Variants in HHAT observed in about 807,000 individuals in gnomAD.
HHAT encodes the protein protein-cysteine N-palmitoyltransferase HHAT.
In HHAT, 47 loss-of-function variants were observed where a neutral mutation model predicts 70.8. That is an observed-to-expected ratio of 0.66 (90% CI 0.53 to 0.85). The LOEUF (loss-of-function observed/expected upper bound fraction) is 0.85, where lower values mean the gene tolerates loss of function less well. HHAT is among the 40% of genes least tolerant of loss of function. The pLI is 0.00. For synonymous variants in HHAT, 228 were observed against 247.6 expected (o/e 0.92, Z 0.74); for missense variants, 609 against 604.8 (o/e 1.01, Z -0.07).
chr1:210,455,730 C>T (rs1049444494), intron 7 of HHAT, among the ~76,000 whole-genome samples: 2 of 152,098 alleles, frequency 1.3e-5, no homozygotes, highest in Admixed American at 1.3e-4. Flanking sequence ...GTTTCTCCAT[C>T]CTTAGTTTAA....
At chr1:210,405,010 T>C (rs1051936094) in intron 6 of HHAT, among the ~76,000 whole-genome samples, 5 of 151,968 alleles carry the variant, frequency 3.3e-5, no homozygotes, top group African/African-American at 1.2e-4. Flanking sequence ...AAGAAAAAAA[T>C]TTGATTATGA....
At chr1:210,583,009 T>C (rs1307316502) in intron 9 of HHAT, among the ~76,000 whole-genome samples, 1 of 152,200 alleles carries the variant, frequency 6.6e-6, no homozygotes, top group Non-Finnish European at 1.5e-5. Flanking sequence ...ACGAGAAATA[T>C]ATCAGTGAAA....
At position 210,496,052 on chromosome 1, in the gene HHAT, A is replaced by G. The variant is rs1460325731; in HGVS notation, c.1008-17101A>G. Among the ~76,000 whole-genome samples, 6 of 149,864 alleles carry G rather than the reference A, an allele frequency of 4.0e-5. No individual in the cohort carries two copies. In the East Asian group the frequency reaches 1.2e-3, roughly 29 times the overall value. ...AAAAGAAAAAGAAAATGGAGTAGAA[A>G]ATATCAGTATTCATGGGTTAGAAAG... On this transcript the variant is annotated intron_variant, in intron 8 of 11. Transcript: ENST00000261458.
intron 7 of HHAT, among the ~76,000 whole-genome samples, chr1:210,450,612 T>TTG (rs2093733687): frequency 6.6e-6 from 1 of 151,378 alleles, no homozygotes; most frequent in Non-Finnish European, 1.5e-5. Flanking sequence ...TAAATCTTTT[T>TTG]TTTTTTTTTT....
At position 210,675,233 on chromosome 1, in the gene HHAT, C is replaced by T. The variant is rs1363338638; in HGVS notation, c.*854C>T. ...ACAAGTCTCAAAAGTCATCCTCCTA[C>T]TCAGTGATTCACGTTTAGTGGTTTA... is the stretch of plus-strand genomic sequence containing the variant. On this transcript the variant is annotated 3_prime_UTR_variant, in exon 12 of 12. Transcript: ENST00000261458. The T allele has an allele frequency of 6.6e-6, 1 of 152,208 alleles. No homozygotes were observed. Among genetic ancestry groups the T allele is most frequent in the Non-Finnish European group, 1.5e-5 (1 of 68,028 alleles). 9.4% of individuals were successfully genotyped at this position (152,208 alleles called of 1,614,324 possible). A position where few individuals can be genotyped will look rare whatever the true frequency, so the allele number is the denominator to read the frequency against.
At chr1:210,582,577 T>A (rs544801804) in intron 9 of HHAT, among the ~76,000 whole-genome samples, 2 of 152,206 alleles carry the variant, frequency 1.3e-5, no homozygotes, top group South Asian at 4.1e-4. Flanking sequence ...CCACATGGAT[T>A]GTTACCACCC....
At chr1:210,437,880 C>G (rs1169877766) in intron 7 of HHAT, among the ~76,000 whole-genome samples, 1 of 151,936 alleles carries the variant, frequency 6.6e-6, no homozygotes, top group African/African-American at 2.4e-5. Context: ...TTCTTACAGA[C>G]AAATTGGCCA....
intron 7 of HHAT, among the ~76,000 whole-genome samples, chr1:210,419,179 A>G (rs1416652003): frequency 6.6e-6 from 1 of 152,128 alleles, no homozygotes; most frequent in African/African-American, 2.4e-5. Flanking sequence ...TTGTGGAATA[A>G]TAGGAGGATA....
chr1:210,562,888 G>T (rs868774124), intron 9 of HHAT, among the ~76,000 whole-genome samples: 22 of 141,132 alleles, frequency 1.6e-4, no homozygotes, highest in Middle Eastern at 4.3e-3. Context: ...TCCCACCTAT[G>T]AGTGAGAACA....
chr1:210,531,267 GCATGACTGTA>G (rs112926021), intron 9 of HHAT, among the ~76,000 whole-genome samples: 8,120 of 152,264 alleles, frequency 0.053, 466 homozygotes, highest in East Asian at 0.24. Context: ...ATTATGTAAT[GCATGACTGTA>G]CATATGAACT....
intron 8 of HHAT, among the ~76,000 whole-genome samples, chr1:210,498,833 G>A (rs529249419): frequency 1.1e-4 from 17 of 147,978 alleles, no homozygotes; most frequent in African/African-American, 2.8e-4. Context: ...TCAGTGGTGC[G>A]ATCTCAGCTC....
intron 9 of HHAT, among the ~76,000 whole-genome samples, chr1:210,544,929 A>G (rs751992727): frequency 3.3e-5 from 5 of 152,224 alleles, no homozygotes; most frequent in Non-Finnish European, 7.4e-5. Context: ...TTGATTCTAC[A>G]TACCTATGTC....
chr1:210,530,285 C>T (rs573651970), intron 9 of HHAT, among the ~76,000 whole-genome samples: 45 of 152,072 alleles, frequency 3.0e-4, no homozygotes, highest in Non-Finnish European at 5.0e-4. Context: ...ATGTTGAATT[C>T]CTAGGAAATA....
At chr1:210,484,496 T>G (rs945107497) in intron 8 of HHAT, among the ~76,000 whole-genome samples, 1 of 21,288 alleles carries the variant, frequency 4.7e-5, no homozygotes. Context: ...CATAGCTACT[T>G]TTTTTTTTTT....
At position 210,404,733 on chromosome 1, in the gene HHAT, G is replaced by C. The variant is rs2092256426; in HGVS notation, c.684+54G>C. 2.8e-6 allele frequency: 4 copies of C among 1,430,618 alleles called. No homozygotes were observed. In the Admixed American group the frequency reaches 6.9e-5, roughly 25 times the overall value. 88.6% of individuals were successfully genotyped at this position (1,430,618 alleles called of 1,614,324 possible). On this transcript the variant is annotated intron_variant, in intron 6 of 11. Transcript: ENST00000261458. Reference sequence around the variant, plus strand: ...TTCTATAGCTTAAGCCTTTGTCGCTGTTGCTCTGGTCTTCTCTGACTCTTG... The same window carrying C: ...TTCTATAGCTTAAGCCTTTGTCGCTCTTGCTCTGGTCTTCTCTGACTCTTG...
At chr1:210,657,973 T>C (rs1240540431) in intron 11 of HHAT, among the ~76,000 whole-genome samples, 1 of 152,212 alleles carries the variant, frequency 6.6e-6, no homozygotes, top group Non-Finnish European at 1.5e-5. Flanking sequence ...ACAACTATTA[T>C]TTTTAATGGC....
rs1203865319 is a variant in HHAT, at chr1:210,513,151, A to C, written c.1008-2A>C. On this transcript the variant is annotated splice_acceptor_variant, in intron 8 of 11. Coordinates refer to ENST00000261458, the MANE Select transcript of HHAT (RefSeq NM_018194.6). LOFTEE classifies it high-confidence loss of function. ...ATGCTTGTCTATGTCTCTTTTGAAC[A>C]GGTATTTTGATGTTGGACTGCATAA... The C allele has an allele frequency of 6.5e-7, 1 of 1,528,086 alleles. No homozygotes were observed. Among genetic ancestry groups the C allele is most frequent in the Middle Eastern group, 1.7e-4 (1 of 5,900 alleles). 94.7% of individuals were successfully genotyped at this position (1,528,086 alleles called of 1,614,324 possible).
At chr1:210,562,879 C>A (rs1169217018) in intron 9 of HHAT, among the ~76,000 whole-genome samples, 3 of 139,540 alleles carry the variant, frequency 2.1e-5, no homozygotes, top group East Asian at 2.2e-4. Context: ...TTGTTCAATT[C>A]CCACCTATGA....
intron 9 of HHAT, among the ~76,000 whole-genome samples, chr1:210,556,229 C>T (rs1488715240): frequency 1.3e-5 from 2 of 150,764 alleles, no homozygotes; most frequent in African/African-American, 4.9e-5. Flanking sequence ...TGCCTGACCT[C>T]TGGAGAGAGT....
Sources: gnomAD v4.1 joint callset for allele counts (sites outside exome capture counted in the v4.1 genomes callset) on GRCh38, gnomAD v4.1.1 for gene constraint, MANE v1.5 for transcripts, NCBI Gene and HGNC (gene_info 2026-07-23, HGNC 2026-07-21) for gene names.